Variants in DAAM2 observed in about 807,000 individuals in gnomAD.
The protein encoded by DAAM2 is dishevelled associated activator of morphogenesis 2, also known as disheveled-associated activator of morphogenesis 2.
DAAM2 carries 39 observed loss-of-function variants against 120.7 expected under a neutral mutation model. The ratio of observed to expected loss-of-function variants is 0.32; its 90% CI spans 0.25 to 0.42. The LOEUF is 0.42. Ranked by LOEUF, DAAM2 falls within the 10% of genes least tolerant of loss-of-function variation. DAAM2 has a pLI of 1.00. For synonymous variants in DAAM2, 488 were observed against 524.9 expected (o/e 0.93, Z 0.96); for missense variants, 1,283 against 1,401.7 (o/e 0.92, Z 1.35).
chr6:39,822,501 A>G (rs935277288), intron 1 of DAAM2: 4 of 152,184 alleles, frequency 2.6e-5, no homozygotes, highest in Non-Finnish European at 4.4e-5. Context: ...GATATTTTGG[A>G]TGTGAGATTA....
At chr6:39,798,004 G>A (rs548417628) in intron 1 of DAAM2, among the ~76,000 whole-genome samples, 76 of 152,338 alleles carry the variant, frequency 5.0e-4, no homozygotes, top group African/African-American at 1.4e-3. Context: ...GGCTGCTTTC[G>A]TGCTGCAATG....
chr6:39,852,523 T>A (rs1763845193), intron 1 of DAAM2, among the ~76,000 whole-genome samples: 1 of 152,186 alleles, frequency 6.6e-6, no homozygotes, highest in South Asian at 2.1e-4. Context: ...GGAGAAGCGC[T>A]GAGGCTTGCA....
chr6:39,849,106 T>C (rs985648448), intron 1 of DAAM2, among the ~76,000 whole-genome samples: 2 of 152,210 alleles, frequency 1.3e-5, no homozygotes, highest in Admixed American at 1.3e-4. Context: ...ATATTGTCAG[T>C]TGCGTAGGAA....
intron 1 of DAAM2, among the ~76,000 whole-genome samples, chr6:39,803,212 G>C (rs754615761): frequency 1.8e-4 from 28 of 152,188 alleles, no homozygotes; most frequent in Non-Finnish European, 1.0e-4. Flanking sequence ...GAGTAGAATT[G>C]CTAGAGCCTT....
chr6:39,830,488 T>G (rs900631888), intron 1 of DAAM2, among the ~76,000 whole-genome samples: 2 of 152,164 alleles, frequency 1.3e-5, no homozygotes, highest in Admixed American at 6.5e-5. Flanking sequence ...GGCCTGCGTC[T>G]TCTTCATCGT....
rs548654932 is a variant in DAAM2 at position 39,881,363 on chromosome 6, G to T, written c.1845+1886G>T. Among the ~76,000 whole-genome samples, 3 of 152,332 alleles carry T rather than the reference G, an allele frequency of 2.0e-5. No individual in the cohort carries two copies. In the East Asian group the frequency reaches 5.8e-4, roughly 29 times the overall value. ...AAGCTTTTAATTGTGTGACGGGCAGGTTATGGAATCATTTGGACTTCAGGT... is the reference window on the plus strand; with the variant it reads ...AAGCTTTTAATTGTGTGACGGGCAGTTTATGGAATCATTTGGACTTCAGGT... On this transcript the variant is annotated intron_variant, in intron 14 of 24. Transcript: ENST00000274867.
chr6:39,869,225 G>A (rs1297868939), intron 7 of DAAM2, among the ~76,000 whole-genome samples: 2 of 152,218 alleles, frequency 1.3e-5, no homozygotes, highest in South Asian at 4.1e-4. Context: ...TTCTTCTAGT[G>A]CCTTCTGTTA....
At chr6:39,827,525 A>G (rs1762717751) in intron 1 of DAAM2, among the ~76,000 whole-genome samples, 1 of 152,024 alleles carries the variant, frequency 6.6e-6, no homozygotes, top group African/African-American at 2.4e-5. Context: ...ACCCCAGGGA[A>G]TGGTGGCCCT....
At chr6:39,840,252 A>G (rs192367207) in intron 1 of DAAM2, among the ~76,000 whole-genome samples, 3 of 152,128 alleles carry the variant, frequency 2.0e-5, no homozygotes, top group Admixed American at 1.3e-4. Context: ...AAACAAACAA[A>G]CAGGCAGCTA....
chr6:39,831,551 TCTAGGATTTGCA>T lies in DAAM2; in HGVS notation c.-56-24694_-56-24683del, dbSNP rs1762889023. On this transcript the variant is annotated intron_variant, in intron 1 of 24. Coordinates refer to ENST00000274867, the MANE Select transcript of DAAM2 (RefSeq NM_001201427.2). Reference sequence around the variant, plus strand: ...GATGACACAGCAGATAAGAAGCAGCTCTAGGATTTGCACCCAGGAAGTCTAACTCCTGAGTTC... The same window carrying T: ...GATGACACAGCAGATAAGAAGCAGCTCCCAGGAAGTCTAACTCCTGAGTTC... 4.0e-5 allele frequency among the ~76,000 whole-genome samples: 6 copies of T among 151,746 alleles called. No individual in the cohort carries two copies. In the South Asian group the frequency reaches 1.3e-3, roughly 32 times the overall value.
rs769817182 is a variant in DAAM2, at chr6:39,878,360, C to T, written c.1361-44C>T. ...TCCAGGCAGGGAGTCACATTACTCA[C>T]ATTCTCTCCTTCTGTTTCCTCTCCC... On this transcript the variant is annotated intron_variant, in intron 12 of 24. Coordinates refer to ENST00000274867, the MANE Select transcript of DAAM2 (RefSeq NM_001201427.2). The surrounding 1 kb of genome is among the most constrained non-coding windows in gnomAD (Gnocchi z 5.0). 2.7e-5 allele frequency: 44 copies of T among 1,609,156 alleles called. No homozygotes were observed. The highest frequency in any genetic ancestry group is 2.3e-4 in the African/African-American group (17 of 74,836).
intron 19 of DAAM2, 177 bp downstream of exon 19, chr6:39,891,899 C>A: frequency 3.3e-6 from 2 of 609,372 alleles, no homozygotes; most frequent in Admixed American, 6.0e-5. Context: ...TATGCACTTG[C>A]TTATATTAGC....
intron 1 of DAAM2, among the ~76,000 whole-genome samples, chr6:39,853,993 TACTC>T (rs1258475116): frequency 1.3e-5 from 2 of 152,182 alleles, no homozygotes; most frequent in African/African-American, 2.4e-5. Flanking sequence ...GGCTTTGTCT[TACTC>T]ACTCTCTGCC....
intron 1 of DAAM2, chr6:39,793,124 G>T (rs1199515713): frequency 2.0e-5 from 3 of 152,434 alleles, no homozygotes; most frequent in Non-Finnish European, 4.4e-5. Context: ...CGGGGAATGA[G>T]GGACTTGGTC....
intron 1 of DAAM2, among the ~76,000 whole-genome samples, chr6:39,814,115 T>A (rs1275155650): frequency 1.3e-5 from 2 of 152,178 alleles, no homozygotes; most frequent in African/African-American, 2.4e-5. Context: ...CAACACAAAT[T>A]CATAAAATTT....
chr6:39,816,496 G>T (rs969520935), intron 1 of DAAM2, among the ~76,000 whole-genome samples: 1 of 152,168 alleles, frequency 6.6e-6, no homozygotes, highest in Non-Finnish European at 1.5e-5. Flanking sequence ...TACTAGTTAC[G>T]AGAACCACAA....
chr6:39,852,615 G>A (rs1054184279), intron 1 of DAAM2, among the ~76,000 whole-genome samples: 7 of 152,194 alleles, frequency 4.6e-5, no homozygotes, highest in East Asian at 1.9e-4. Context: ...CTCTAGTGTC[G>A]CCCAGTGTGC....
At chr6:39,806,584 C>T (rs1689227899) in intron 1 of DAAM2, among the ~76,000 whole-genome samples, 1 of 152,056 alleles carries the variant, frequency 6.6e-6, no homozygotes, top group Non-Finnish European at 1.5e-5. Flanking sequence ...AAAAAAAATC[C>T]CTGTCTCATA....
intron 1 of DAAM2, among the ~76,000 whole-genome samples, chr6:39,814,218 C>T (rs1055700017): frequency 1.2e-4 from 18 of 146,706 alleles, no homozygotes; most frequent in African/African-American, 1.8e-4. Flanking sequence ...CATCAGCTAT[C>T]GTTAGTGCTA....
Sources: gnomAD v4.1 joint callset for allele counts (sites outside exome capture counted in the v4.1 genomes callset) on GRCh38, gnomAD v4.1.1 for gene constraint, Gnocchi (gnomAD v3.1) non-coding constraint, MANE v1.5 for transcripts, NCBI Gene and HGNC (gene_info 2026-07-23, HGNC 2026-07-21) for gene names.